CCDC50: variants seen among roughly 807,000 people sequenced by gnomAD.
The protein encoded by CCDC50 is coiled-coil domain containing 50.
A neutral mutation model predicts 70.2 loss-of-function variants in CCDC50; 54 were observed. That is an observed-to-expected ratio of 0.77 (90% CI 0.62 to 0.96). The LOEUF (loss-of-function observed/expected upper bound fraction) is 0.96, where lower values mean the gene tolerates loss of function less well. Among genes scored for constraint, CCDC50 ranks in the 50% least tolerant of loss-of-function variants. The pLI, the probability that CCDC50 is intolerant of heterozygous loss-of-function variation, is 0.00. For synonymous variants in CCDC50, 216 were observed against 198.8 expected, an observed-to-expected ratio of 1.09 and a Z score of -0.73; for missense variants, 558 against 578.7, an observed-to-expected ratio of 0.96 and a Z score of 0.37.
chr3:191,387,321 A>G (rs1410174209), intron 10 of CCDC50, among the ~76,000 whole-genome samples: 3 of 152,202 alleles, frequency 2.0e-5, no homozygotes, highest in South Asian at 2.1e-4. Flanking sequence ...GTTTGGCTGT[A>G]TCACTAAATT....
At chr3:191,354,338 G>A (rs1712203719) in intron 1 of CCDC50, among the ~76,000 whole-genome samples, 1 of 151,992 alleles carries the variant, frequency 6.6e-6, no homozygotes. Context: ...GTTTGTGTCA[G>A]TGCCATATTA....
chr3:191,376,879 G>A (rs1713131921), intron 6 of CCDC50, among the ~76,000 whole-genome samples: 1 of 152,146 alleles, frequency 6.6e-6, no homozygotes, highest in Non-Finnish European at 1.5e-5. Context: ...GAAGTATGGA[G>A]GAAGAATGAT....
At chr3:191,349,574 ATGGGGTGG>A (rs910026875) in intron 1 of CCDC50, among the ~76,000 whole-genome samples, 2 of 141,184 alleles carry the variant, frequency 1.4e-5, no homozygotes, top group African/African-American at 5.0e-5. Flanking sequence ...AATCGGAAGG[ATGGGGTGG>A]TGGGAAGAGG....
chr3:191,374,402 A>G (rs992500396), intron 5 of CCDC50, among the ~76,000 whole-genome samples: 4 of 152,176 alleles, frequency 2.6e-5, no homozygotes, highest in Non-Finnish European at 4.4e-5. Flanking sequence ...TAAGATTGAG[A>G]ACAGAATTAT....
At chr3:191,388,717 G>A (rs1024474902) in intron 10 of CCDC50, among the ~76,000 whole-genome samples, 2 of 152,038 alleles carry the variant, frequency 1.3e-5, no homozygotes, top group African/African-American at 4.8e-5. Flanking sequence ...ACATATAAAT[G>A]TACAAAATGG....
At chr3:191,374,800 C>T (rs756297828) in intron 5 of CCDC50, among the ~76,000 whole-genome samples, 2 of 152,096 alleles carry the variant, frequency 1.3e-5, no homozygotes, top group Non-Finnish European at 2.9e-5. Flanking sequence ...TTAGCTCTAC[C>T]TAATCGTGAT....
chr3:191,377,883 T>G (rs944002468), intron 6 of CCDC50, among the ~76,000 whole-genome samples: 2 of 152,166 alleles, frequency 1.3e-5, no homozygotes, highest in Middle Eastern at 6.3e-3. Context: ...TCACCTGATT[T>G]TTTGAAAGCT....
rs145803410 is a variant in CCDC50 at position 191,352,914 on chromosome 3, A to G, written c.50-4174A>G. 9.2e-5 allele frequency among the ~76,000 whole-genome samples: 13 copies of G among 141,932 alleles called. 1 individual carries two copies. Among genetic ancestry groups the G allele is most frequent in the African/African-American group, 3.3e-4 (13 of 39,884 alleles). 93.1% of individuals were successfully genotyped at this position (141,932 alleles called of 152,430 possible). ...AGCAGAGTTTAATTCTGTTTATGAC[A>G]TTATTTTCTTCCTTTCTCCTACTCT... On this transcript the variant is annotated intron_variant, in intron 1 of 11. Coordinates refer to ENST00000392455, the MANE Select transcript of CCDC50 (RefSeq NM_178335.3).
At chr3:191,359,209 A>T (rs925776780) in intron 3 of CCDC50, among the ~76,000 whole-genome samples, 1 of 152,194 alleles carries the variant, frequency 6.6e-6, no homozygotes, top group Non-Finnish European at 1.5e-5. Context: ...TCACAAGACG[A>T]TGTGTTTAAT....
In CCDC50 at chr3:191,380,988, G is replaced by A. The variant is rs1442307941; in HGVS notation, c.1242+56G>A. On this transcript the variant is annotated intron_variant, in intron 9 of 11. Transcript: ENST00000392455. ...GAAATAAAATTAGAAATGAAAAGGGGACTCTGCTTTTGAGTTAAGCTCTGC... is the reference window on the plus strand; with the variant it reads ...GAAATAAAATTAGAAATGAAAAGGGAACTCTGCTTTTGAGTTAAGCTCTGC... 4.3e-6 allele frequency: 6 copies of A among 1,390,524 alleles called. No homozygotes were observed. The African/African-American group carries it at 7.2e-5, about 17-fold the overall frequency. The allele number at this position is 1,390,524 out of a possible 1,614,324, so 86.1% of individuals were successfully genotyped here.
At chr3:191,332,791 CT>C (rs1288839600) in intron 1 of CCDC50, among the ~76,000 whole-genome samples, 1 of 152,198 alleles carries the variant, frequency 6.6e-6, no homozygotes, top group African/African-American at 2.4e-5. Context: ...TCCCTACTTC[CT>C]TTTGCTCTCC....
chr3:191,389,672 A>C, intron 11 of CCDC50, 70 bp downstream of exon 11: 7 of 1,185,764 alleles, frequency 5.9e-6, no homozygotes, highest in Non-Finnish European at 7.6e-6. Context: ...GTAGTGGAAA[A>C]ATCAAATTCT....
At chr3:191,332,190 A>G (rs992505954) in intron 1 of CCDC50, among the ~76,000 whole-genome samples, 1 of 152,186 alleles carries the variant, frequency 6.6e-6, no homozygotes, top group Admixed American at 6.5e-5. Context: ...ACATTAGGGT[A>G]AGGGGATATT....
intron 4 of CCDC50, among the ~76,000 whole-genome samples, chr3:191,364,183 C>T (rs1366295291): frequency 6.6e-6 from 1 of 151,930 alleles, no homozygotes; most frequent in African/African-American, 2.4e-5. Flanking sequence ...ATTCCCCTGC[C>T]TCAGCCTCCT....
chr3:191,382,630 T>C, intron 9 of CCDC50, 116 bp from the exon 10 acceptor site: 1 of 696,196 alleles, frequency 1.4e-6, no homozygotes. Flanking sequence ...CTGAAATTAC[T>C]AAGGAAGAGC....
At chr3:191,341,089 G>A (rs1259501833) in intron 1 of CCDC50, among the ~76,000 whole-genome samples, 1 of 151,998 alleles carries the variant, frequency 6.6e-6, no homozygotes, top group East Asian at 1.9e-4. Flanking sequence ...GCCTGCACTG[G>A]GATCATTTCT....
chr3:191,330,406 G>A (rs2108624351), intron 1 of CCDC50: 1 of 152,322 alleles, frequency 6.6e-6, no homozygotes, highest in Non-Finnish European at 1.5e-5. Flanking sequence ...GTAGAGATTA[G>A]TACTGACCTG....
chr3:191,383,304 G>A (rs1468516412), intron 10 of CCDC50, among the ~76,000 whole-genome samples: 1 of 152,074 alleles, frequency 6.6e-6, no homozygotes, highest in East Asian at 1.9e-4. Context: ...AATAGCTGTG[G>A]CTATGGTGTA....
intron 4 of CCDC50, among the ~76,000 whole-genome samples, chr3:191,369,191 C>T (rs1183899473): frequency 6.6e-6 from 1 of 152,118 alleles, no homozygotes; most frequent in Non-Finnish European, 1.5e-5. Context: ...AACGCAAAAT[C>T]TTGTACTAAT....
Sources: gnomAD v4.1 joint callset for allele counts (sites outside exome capture counted in the v4.1 genomes callset) on GRCh38, gnomAD v4.1.1 for gene constraint, MANE v1.5 for transcripts, NCBI Gene and HGNC (gene_info 2026-07-23, HGNC 2026-07-21) for gene names.